Variants in DYM observed in about 807,000 individuals in gnomAD.
DYM encodes dyggve-Melchior-Clausen syndrome protein.
In DYM, 78 loss-of-function variants were observed where a neutral mutation model predicts 93.1. The observed-to-expected ratio is 0.84, with a 90% CI of 0.70 to 1.01. The LOEUF is 1.01. Among genes scored for constraint, DYM ranks in the 50% least tolerant of loss-of-function variants. The pLI, the probability that DYM is intolerant of heterozygous loss-of-function variation, is 0.00. For missense variants in DYM, 789 were observed against 845.0 expected (o/e 0.93, Z 0.82); for synonymous variants, 321 against 319.7 (o/e 1.00, Z -0.04).
intron 5 of DYM, among the ~76,000 whole-genome samples, chr18:49,375,956 C>A (rs2067469044): frequency 6.6e-6 from 1 of 152,114 alleles, no homozygotes; most frequent in African/African-American, 2.4e-5. Context: ...TGTTTTTGGA[C>A]CCTTGGACTT....
intron 11 of DYM, among the ~76,000 whole-genome samples, chr18:49,263,471 C>T (rs2094521580): frequency 6.6e-6 from 1 of 151,106 alleles, no homozygotes; most frequent in Non-Finnish European, 1.5e-5. Flanking sequence ...TGGCTCATGC[C>T]TGTAATCCCA....
rs961394106 is a variant in DYM, at chr18:49,037,513, A to G, written c.*6542T>C. On this transcript the variant is annotated 3_prime_UTR_variant, in exon 18 of 18. Transcript: ENST00000675505. ...CTATCTGGGTGACAGGATCATTAGG[A>G]GCCCAAACCTCAGCATCATCAATAT... Among the ~76,000 whole-genome samples, 1 of 152,174 alleles carries G rather than the reference A, an allele frequency of 6.6e-6. No individual in the cohort carries two copies.
rs529631402 is a variant in DYM at position 49,046,198 on chromosome 18, A to G, written c.2026-1994T>C. ...AGATAAAACACACAGACACGCACAC[A>G]TAGACACACACACCACAGACTCACA... is the stretch of plus-strand genomic sequence containing the variant. On this transcript the variant is annotated intron_variant, in intron 17 of 17. Transcript: ENST00000675505. 3.5e-4 allele frequency among the ~76,000 whole-genome samples: 53 copies of G among 150,804 alleles called. No individual in the cohort carries two copies. In the South Asian group the frequency reaches 6.1e-3, roughly 17 times the overall value.
intron 8 of DYM, among the ~76,000 whole-genome samples, chr18:49,312,753 G>A (rs768552627): frequency 4.6e-5 from 7 of 152,132 alleles, no homozygotes; most frequent in Non-Finnish European, 8.8e-5. Flanking sequence ...AGACCCAGGC[G>A]GGGCATCACC....
intron 9 of DYM, among the ~76,000 whole-genome samples, chr18:49,285,594 G>C (rs1321217891): frequency 6.6e-6 from 1 of 152,202 alleles, no homozygotes; most frequent in Admixed American, 6.5e-5. Flanking sequence ...ATGTTGAATA[G>C]GTCTGTTGGC....
intron 15 of DYM, among the ~76,000 whole-genome samples, chr18:49,136,170 G>A (rs1020426681): frequency 2.0e-5 from 3 of 152,166 alleles, no homozygotes; most frequent in African/African-American, 7.2e-5. Flanking sequence ...TATTAAATTT[G>A]CAATTTATTT....
At chr18:49,157,709 A>G (rs1294593898) in intron 15 of DYM, among the ~76,000 whole-genome samples, 1 of 152,188 alleles carries the variant, frequency 6.6e-6, no homozygotes, top group Non-Finnish European at 1.5e-5. Flanking sequence ...CCCATTCTGT[A>G]GATTGTCTTT....
chr18:49,114,491 C>T (rs2081743997), intron 16 of DYM: 1 of 915,226 alleles, frequency 1.1e-6, no homozygotes, highest in Non-Finnish European at 1.3e-6. Context: ...CTATATGGTT[C>T]TATACTGTGT....
intron 15 of DYM, among the ~76,000 whole-genome samples, chr18:49,147,291 G>T (rs2085271240): frequency 6.6e-6 from 1 of 151,608 alleles, no homozygotes; most frequent in South Asian, 2.1e-4. Context: ...CATGGGCAAG[G>T]ACTTCATGTC....
intron 17 of DYM, among the ~76,000 whole-genome samples, chr18:49,084,731 T>C (rs1233481916): frequency 6.6e-6 from 1 of 152,112 alleles, no homozygotes; most frequent in Non-Finnish European, 1.5e-5. Context: ...CAGGAACAAA[T>C]GTTGTCTAAC....
chr18:49,129,136 A>G (rs2083134516), intron 15 of DYM, among the ~76,000 whole-genome samples: 1 of 151,680 alleles, frequency 6.6e-6, no homozygotes, highest in Non-Finnish European at 1.5e-5. Flanking sequence ...AAAAAAAAAG[A>G]AAAACAGAGT....
intron 17 of DYM, among the ~76,000 whole-genome samples, chr18:49,079,920 T>C (rs1306147880): frequency 1.9e-3 from 291 of 149,934 alleles, no homozygotes; most frequent in African/African-American, 6.3e-3. Context: ...AGCTGTTGGG[T>C]ACACCTCCCA....
intron 15 of DYM, among the ~76,000 whole-genome samples, chr18:49,133,839 T>A (rs1339213365): frequency 6.6e-6 from 1 of 152,252 alleles, no homozygotes; most frequent in Non-Finnish European, 1.5e-5. Flanking sequence ...TAGTTATATC[T>A]GCAAAGTCCT....
intron 2 of DYM, among the ~76,000 whole-genome samples, chr18:49,402,635 T>C (rs1039930968): frequency 6.6e-6 from 1 of 152,184 alleles, no homozygotes. Flanking sequence ...ACTAAAATTA[T>C]AGACCAAATT....
intron 5 of DYM, among the ~76,000 whole-genome samples, chr18:49,377,930 C>A (rs1406894605): frequency 6.6e-6 from 1 of 152,198 alleles, no homozygotes; most frequent in Admixed American, 6.5e-5. Context: ...GTGACGCTGT[C>A]AGCCTGATGA....
chr18:49,205,202 T>G (rs1287314680), intron 14 of DYM, among the ~76,000 whole-genome samples: 1 of 152,228 alleles, frequency 6.6e-6, no homozygotes, highest in Non-Finnish European at 1.5e-5. Flanking sequence ...CCTCAGGTGA[T>G]CCACCTGCCT....
chr18:49,415,353 T>A (rs1301199506), intron 2 of DYM, among the ~76,000 whole-genome samples: 5 of 149,798 alleles, frequency 3.3e-5, no homozygotes, highest in African/African-American at 9.7e-5. Flanking sequence ...TTAAAAAAAT[T>A]TTAAAAATGA....
At chr18:49,225,485 C>T (rs1407314441) in intron 13 of DYM, among the ~76,000 whole-genome samples, 1 of 151,848 alleles carries the variant, frequency 6.6e-6, no homozygotes, top group Admixed American at 6.6e-5. Flanking sequence ...AGTACTAGCT[C>T]AAAGGGGATG....
At chr18:49,439,860 G>C (rs1458590864) in intron 1 of DYM, among the ~76,000 whole-genome samples, 2 of 151,678 alleles carry the variant, frequency 1.3e-5, no homozygotes, top group African/African-American at 4.8e-5. Context: ...AAATTAGCCA[G>C]GCAACACAGC....
Sources: allele counts gnomAD v4.1 joint callset (sites outside exome capture counted in the v4.1 genomes callset), GRCh38; gene constraint gnomAD v4.1.1; transcripts MANE v1.5; gene names NCBI Gene and HGNC (gene_info 2026-07-23, HGNC 2026-07-21).